NR2C2: variants seen among roughly 807,000 people sequenced by gnomAD.
The protein encoded by NR2C2 is nuclear receptor subfamily 2 group C member 2.
In NR2C2, 6 loss-of-function variants were observed where a neutral mutation model predicts 62.9. The observed-to-expected ratio is 0.10, with a 90% CI of 0.05 to 0.19. NR2C2 has a LOEUF of 0.19. Among genes scored for constraint, NR2C2 ranks in the 10% least tolerant of loss-of-function variants. The pLI, the probability that NR2C2 is intolerant of heterozygous loss-of-function variation, is 1.00. For missense variants in NR2C2, 479 were observed against 762.7 expected (o/e 0.63, Z 4.38); for synonymous variants, 272 against 273.8 (o/e 0.99, Z 0.07).
chr3:15,018,408 G>A (rs1342524406), intron 4 of NR2C2, among the ~76,000 whole-genome samples: 1 of 151,992 alleles, frequency 6.6e-6, no homozygotes, highest in African/African-American at 2.4e-5. Context: ...CAACTCGACA[G>A]CAAAAAAAAC....
At chr3:14,956,795 C>T (rs1399924516) in intron 1 of NR2C2, among the ~76,000 whole-genome samples, 1 of 152,242 alleles carries the variant, frequency 6.6e-6, no homozygotes, top group Non-Finnish European at 1.5e-5. Context: ...CCTGCCTTGG[C>T]CTCCCAGAGT....
chr3:15,005,497 G>A (rs1383394189), intron 2 of NR2C2, among the ~76,000 whole-genome samples: 1 of 143,836 alleles, frequency 7.0e-6, no homozygotes, highest in East Asian at 2.1e-4. Context: ...GACTACAGGT[G>A]TGAGCCAGCG....
At chr3:14,993,283 G>A (rs746573830) in intron 1 of NR2C2, among the ~76,000 whole-genome samples, 9 of 151,806 alleles carry the variant, frequency 5.9e-5, no homozygotes, top group Admixed American at 2.0e-4. Context: ...GTGAAACCCC[G>A]TCTCTACTAA....
At chr3:14,954,481 AGT>A (rs1161093704) in intron 1 of NR2C2, among the ~76,000 whole-genome samples, 1 of 152,226 alleles carries the variant, frequency 6.6e-6, no homozygotes, top group Non-Finnish European at 1.5e-5. Flanking sequence ...AAACAATCTA[AGT>A]GTTCATCAGC....
chr3:15,038,896 A>T, intron 12 of NR2C2: 1 of 527,168 alleles, frequency 1.9e-6, no homozygotes, highest in Non-Finnish European at 3.4e-6. Flanking sequence ...GGCTGTTCAG[A>T]CTGGGATCCA....
chr3:15,024,268 C>T, intron 7 of NR2C2, 60 bp downstream of exon 7: 2 of 1,189,488 alleles, frequency 1.7e-6, no homozygotes, highest in Non-Finnish European at 2.4e-6. Context: ...GGCTGCTTCT[C>T]TAACTGTGTG....
intron 1 of NR2C2, 61 bp from the exon 2 acceptor site, chr3:15,003,815 C>T: frequency 1.8e-6 from 2 of 1,121,806 alleles, no homozygotes; most frequent in Non-Finnish European, 2.7e-6. Flanking sequence ...GCGTGGTCTT[C>T]AGGCCACCTC....
At chr3:15,011,785 A>C (rs893221819) in intron 2 of NR2C2, among the ~76,000 whole-genome samples, 1 of 152,158 alleles carries the variant, frequency 6.6e-6, no homozygotes, top group African/African-American at 2.4e-5. Context: ...CGTGTAGCAC[A>C]CTTTGCCGCA....
intron 1 of NR2C2, among the ~76,000 whole-genome samples, chr3:14,952,077 A>G (rs1340305534): frequency 6.6e-6 from 1 of 152,188 alleles, no homozygotes; most frequent in Non-Finnish European, 1.5e-5. Context: ...GTCTCCAAGG[A>G]GTAACATGGC....
chr3:14,969,694 T>C (rs1295858910), intron 1 of NR2C2, among the ~76,000 whole-genome samples: 2 of 152,344 alleles, frequency 1.3e-5, no homozygotes, highest in African/African-American at 4.8e-5. Context: ...AGAAATGAAG[T>C]GGCTTTACAA....
intron 1 of NR2C2, among the ~76,000 whole-genome samples, chr3:14,953,729 A>G (rs1294035242): frequency 6.6e-5 from 10 of 152,138 alleles, no homozygotes; most frequent in African/African-American, 7.2e-5. Flanking sequence ...CCCCATCTCT[A>G]CTAACAATAC....
At chr3:15,020,320 A>G (rs904269012) in intron 4 of NR2C2, among the ~76,000 whole-genome samples, 2 of 152,214 alleles carry the variant, frequency 1.3e-5, no homozygotes, top group African/African-American at 4.8e-5. Flanking sequence ...CCACACATGC[A>G]CGTGTTTGCT....
At chr3:15,023,069 GTGAAAGCT>G (rs1210247990) in intron 5 of NR2C2, 123 bp from the exon 6 acceptor site, 3 of 1,009,220 alleles carry the variant, frequency 3.0e-6, no homozygotes, top group African/African-American at 3.2e-5. Flanking sequence ...AAAGTCCACT[GTGAAAGCT>G]GAGCTAGATG....
chr3:15,027,968 CCTT>C (rs905774470), intron 7 of NR2C2, among the ~76,000 whole-genome samples: 10 of 152,030 alleles, frequency 6.6e-5, no homozygotes, highest in Non-Finnish European at 1.0e-4. Flanking sequence ...AAGTGATTCT[CCTT>C]CTTCAGCCTC....
chr3:15,039,777 C>T (rs1449072984), intron 13 of NR2C2, among the ~76,000 whole-genome samples: 1 of 152,200 alleles, frequency 6.6e-6, no homozygotes, highest in Non-Finnish European at 1.5e-5. Flanking sequence ...ATTTTACCCT[C>T]AGATAAACTA....
At chr3:15,036,837 A>G (rs935534858) in intron 11 of NR2C2, among the ~76,000 whole-genome samples, 7 of 152,268 alleles carry the variant, frequency 4.6e-5, no homozygotes, top group Admixed American at 4.6e-4. Context: ...AGACCCTATA[A>G]CAGGCTGGGT....
At chr3:14,980,500 T>G (rs2040335698) in intron 1 of NR2C2, among the ~76,000 whole-genome samples, 1 of 152,104 alleles carries the variant, frequency 6.6e-6, no homozygotes. Context: ...AGCAAGTGCT[T>G]CTACTATTAT....
intron 1 of NR2C2, chr3:14,948,596 G>A (rs1342512693): frequency 6.6e-6 from 1 of 152,186 alleles, no homozygotes; most frequent in African/African-American, 2.4e-5. Flanking sequence ...CGGCGGGGGC[G>A]GGGCCGGGGG....
In NR2C2 at chr3:14,949,599, G is replaced by A. The variant is rs1370578258; in HGVS notation, c.-40+1693G>A. On this transcript the variant is annotated intron_variant, in intron 1 of 13. Coordinates refer to ENST00000425241, the MANE Select transcript of NR2C2 (RefSeq NM_001291694.2). ...TACATGACTTGGGAGGAGGGCCTCA[G>A]AAACTCACTTTACTTCCAGATTCAA... is the stretch of plus-strand genomic sequence containing the variant. 2.0e-5 allele frequency among the ~76,000 whole-genome samples: 3 copies of A among 152,186 alleles called. No individual in the cohort carries two copies. The East Asian group carries it at 5.8e-4, about 29-fold the overall frequency.
Sources: allele counts gnomAD v4.1 joint callset (sites outside exome capture counted in the v4.1 genomes callset), GRCh38; gene constraint gnomAD v4.1.1; transcripts MANE v1.5; gene names NCBI Gene and HGNC (gene_info 2026-07-23, HGNC 2026-07-21).